The following PARD3 variants were observed in gnomAD, a reference collection of about 807,000 sequenced individuals.
PARD3 encodes par-3 family cell polarity regulator, also known as partitioning defective 3 homolog.
A neutral mutation model predicts 155.4 loss-of-function variants in PARD3; 75 were observed. The observed-to-expected ratio is 0.48, with a 90% CI of 0.40 to 0.58. The LOEUF is 0.58. PARD3 is among the 20% of genes least tolerant of loss of function. PARD3 has a pLI of 0.00. For missense variants in PARD3, 1,642 were observed against 1,721.7 expected, an observed-to-expected ratio of 0.95 and a Z score of 0.82; for synonymous variants, 576 against 610.5, an observed-to-expected ratio of 0.94 and a Z score of 0.83.
intron 3 of PARD3, among the ~76,000 whole-genome samples, chr10:34,490,214 T>C (rs1445451380): frequency 6.6e-6 from 1 of 152,248 alleles, no homozygotes; most frequent in African/African-American, 2.4e-5. Flanking sequence ...ATCTCATGCT[T>C]GGATCTTGTA....
At chr10:34,254,954 C>T (rs1248061739) in intron 22 of PARD3, among the ~76,000 whole-genome samples, 4 of 152,074 alleles carry the variant, frequency 2.6e-5, no homozygotes, top group Non-Finnish European at 5.9e-5. Flanking sequence ...CTGAAACATA[C>T]AGACCAAAGG....
intron 2 of PARD3, among the ~76,000 whole-genome samples, chr10:34,620,501 C>T (rs545466035): frequency 3.3e-5 from 5 of 152,294 alleles, no homozygotes; most frequent in African/African-American, 1.2e-4. Context: ...ATTTGGAATG[C>T]ATGCCCATTT....
intron 5 of PARD3, among the ~76,000 whole-genome samples, chr10:34,431,969 G>C (rs1035182035): frequency 7.4e-5 from 10 of 135,898 alleles, no homozygotes; most frequent in African/African-American, 2.7e-4. Context: ...GTGAACCTGA[G>C]AGGCAGAGCT....
intron 2 of PARD3, among the ~76,000 whole-genome samples, chr10:34,569,179 T>C (rs1007265822): frequency 2.0e-5 from 3 of 152,154 alleles, no homozygotes; most frequent in African/African-American, 7.2e-5. Context: ...AAAAATTGTA[T>C]TGCATTAAGG....
chr10:34,343,347 T>C (rs942205694), intron 15 of PARD3: 7 of 979,060 alleles, frequency 7.1e-6, no homozygotes, highest in South Asian at 4.7e-5. Context: ...TTCTGAGAGA[T>C]GGCCTAACAA....
intron 6 of PARD3, among the ~76,000 whole-genome samples, chr10:34,401,018 A>G (rs1172131221): frequency 6.6e-6 from 1 of 152,196 alleles, no homozygotes; most frequent in African/African-American, 2.4e-5. Flanking sequence ...GCTGGCTGCC[A>G]TACATTCAAA....
chr10:34,383,742 G>A (rs1437911771), intron 8 of PARD3, among the ~76,000 whole-genome samples: 1 of 152,112 alleles, frequency 6.6e-6, no homozygotes, highest in Non-Finnish European at 1.5e-5. Context: ...AAGTGTATCT[G>A]AATACAACCT....
At chr10:34,770,927 G>C (rs553367053) in intron 1 of PARD3, among the ~76,000 whole-genome samples, 1 of 152,218 alleles carries the variant, frequency 6.6e-6, no homozygotes, top group South Asian at 2.1e-4. Flanking sequence ...GACATCATTG[G>C]ATTTGGAAAG....
intron 24 of PARD3, among the ~76,000 whole-genome samples, chr10:34,116,699 A>G (rs537418755): frequency 6.6e-6 from 1 of 152,156 alleles, no homozygotes; most frequent in Non-Finnish European, 1.5e-5. Context: ...CCGCTGCCCA[A>G]ACTTACATAA....
At chr10:34,672,709 T>A (rs149238504) in intron 2 of PARD3, among the ~76,000 whole-genome samples, 1 of 152,350 alleles carries the variant, frequency 6.6e-6, no homozygotes, top group African/African-American at 2.4e-5. Flanking sequence ...GTATGCTCCT[T>A]GTAGAAGAAC....
At chr10:34,209,839 T>TA (rs1951654811) in intron 22 of PARD3, among the ~76,000 whole-genome samples, 1 of 152,256 alleles carries the variant, frequency 6.6e-6, no homozygotes, top group African/African-American at 2.4e-5. Flanking sequence ...TTATTATTTT[T>TA]ATCACAAAGT....
chr10:34,482,649 A>G (rs1468990343), intron 3 of PARD3, among the ~76,000 whole-genome samples: 2 of 152,150 alleles, frequency 1.3e-5, no homozygotes, highest in Admixed American at 6.5e-5. Flanking sequence ...GGTACCAGAG[A>G]CTTTCACTGA....
intron 5 of PARD3, among the ~76,000 whole-genome samples, chr10:34,414,191 A>G (rs79720677): frequency 4.9e-4 from 74 of 151,318 alleles, no homozygotes; most frequent in African/African-American, 1.7e-3. Flanking sequence ...GAGCGACTCC[A>G]GCCTGGGTGA....
chr10:34,309,411 T>C (rs890604261), intron 20 of PARD3, among the ~76,000 whole-genome samples: 17 of 151,414 alleles, frequency 1.1e-4, no homozygotes, highest in African/African-American at 3.9e-4. Context: ...ATTTAAAAAG[T>C]AGTAGGCACA....
At chr10:34,210,534 AAGG>A (rs1378673881) in intron 22 of PARD3, among the ~76,000 whole-genome samples, 2 of 152,150 alleles carry the variant, frequency 1.3e-5, no homozygotes, top group African/African-American at 2.4e-5. Flanking sequence ...TTCTACTTAC[AAGG>A]AGAAGAGATA....
intron 22 of PARD3, among the ~76,000 whole-genome samples, chr10:34,185,706 T>A (rs1325066126): frequency 2.0e-5 from 3 of 151,714 alleles, no homozygotes; most frequent in Non-Finnish European, 4.4e-5. Context: ...TGCCCACACC[T>A]CCTACTCGAG....
At chr10:34,440,304 A>G (rs901576602) in intron 5 of PARD3, among the ~76,000 whole-genome samples, 7 of 152,230 alleles carry the variant, frequency 4.6e-5, no homozygotes, top group African/African-American at 1.7e-4. Context: ...CTCATGGAAC[A>G]TAGATGGAAC....
At chr10:34,355,032 G>A (rs140178371) in intron 14 of PARD3, among the ~76,000 whole-genome samples, 6 of 152,218 alleles carry the variant, frequency 3.9e-5, no homozygotes, top group East Asian at 3.9e-4. Flanking sequence ...AGAGGGGAGC[G>A]GCTAAAGGAA....
At chr10:34,507,752 A>C (rs1295873952) in intron 3 of PARD3, among the ~76,000 whole-genome samples, 3 of 152,146 alleles carry the variant, frequency 2.0e-5, no homozygotes, top group Non-Finnish European at 4.4e-5. Context: ...CAATCCAATT[A>C]ATAGATATAT....
Sources: gnomAD v4.1 joint callset for allele counts (sites outside exome capture counted in the v4.1 genomes callset) on GRCh38, gnomAD v4.1.1 for gene constraint, MANE v1.5 for transcripts, NCBI Gene and HGNC (gene_info 2026-07-23, HGNC 2026-07-21) for gene names.